The following GSC variants were observed in gnomAD, a reference collection of about 807,000 sequenced individuals.
GSC encodes goosecoid homeobox.
GSC carries 13 observed loss-of-function variants against 24.5 expected under a neutral mutation model. The ratio of observed to expected loss-of-function variants is 0.53; its 90% CI spans 0.35 to 0.84. GSC has a LOEUF of 0.84. Ranked by LOEUF, GSC falls within the 40% of genes least tolerant of loss-of-function variation. The pLI is 0.01. For missense variants in GSC, 382 were observed against 384.2 expected (o/e 0.99, Z 0.05); for synonymous variants, 199 against 182.1 (o/e 1.09, Z -0.75).
In GSC at chr14:94,769,880, C is replaced by T. The variant is rs747295443; in HGVS notation, c.136G>A (p.Ala46Thr). The T allele has an allele frequency of 6.7e-5, 101 of 1,500,108 alleles. 3 individuals carry two copies. In the South Asian group the frequency reaches 1.2e-3, roughly 18 times the overall value. The allele number at this position is 1,500,108 out of a possible 1,614,324, so 92.9% of individuals were successfully genotyped here. ...TAGTCCGAGGAGGCGCCGCCGCTGG[C>T]GCCGTAGAGCGAGTCCCCGTGCAGG... ...PALHGDSLYG[A>T]SGGASSDYGA... The change falls in exon 1 of 3, where the codon GCC becomes ACC. Residue 46 changes from alanine (A) to threonine (T), a missense_variant. By Grantham distance (58) the Ala-to-Thr change is moderately conservative (BLOSUM62 0). Transcript: ENST00000238558.
Position 94,770,108 on chromosome 14 carries a change from C to T in GSC, c.-93G>A. The stretch of plus-strand genomic sequence containing the variant: ...GGTCCACTCTCCTCCAGCCGCCGAC[C>T]AAACCGAAAGAGAGCGCCGGCGAGC... On this transcript the variant is annotated 5_prime_UTR_variant, in exon 1 of 3. Transcript: ENST00000238558. 7.9e-7 allele frequency: 1 copy of T among 1,272,656 alleles called. No homozygotes were observed. The highest frequency in any genetic ancestry group is 1.1e-6 in the Non-Finnish European group (1 of 942,576). 78.8% of individuals were successfully genotyped at this position (1,272,656 alleles called of 1,614,324 possible).
chr14:94,768,673 C>T (rs1246703980), intron 2 of GSC, 24 bp from the exon 3 acceptor site: 3 of 1,611,530 alleles, frequency 1.9e-6, no homozygotes, highest in African/African-American at 1.3e-5. Context: ...GAGGACAAAA[C>T]AGTTCAGATC....
rs1595156674 is a variant in GSC, at chr14:94,768,286, T to A, written c.*205A>T. On this transcript the variant is annotated 3_prime_UTR_variant, in exon 3 of 3. Coordinates refer to ENST00000238558, the MANE Select transcript of GSC (RefSeq NM_173849.3). Reference sequence around the variant, plus strand: ...TAACTATAAATACTACGGTGGGGGCTAGTCGCGGGCGGCCTCGGGCTGCTG... The same window carrying A: ...TAACTATAAATACTACGGTGGGGGCAAGTCGCGGGCGGCCTCGGGCTGCTG... The A allele has an allele frequency of 1.4e-4, 88 of 634,268 alleles. 2 individuals are homozygous for A. In the South Asian group the frequency reaches 1.5e-3, roughly 11 times the overall value. The allele number at this position is 634,268 out of a possible 1,614,324, so 39.3% of individuals were successfully genotyped here.
At chr14:94,769,340 T>G (rs1885236461) in intron 1 of GSC, 123 bp from the exon 2 acceptor site, 1 of 1,310,760 alleles carries the variant, frequency 7.6e-7, no homozygotes, top group Non-Finnish European at 1.0e-6. Flanking sequence ...GAATTGGGGG[T>G]GCACGGGAAT....
chr14:94,768,780 C>A, intron 2 of GSC, 131 bp from the exon 3 acceptor site: 2 of 1,412,716 alleles, frequency 1.4e-6, no homozygotes, highest in East Asian at 2.4e-5. Context: ...GCCGCTCGCT[C>A]CCGCTTCCGC....
chr14:94,768,850 G>T (rs1595157191), intron 2 of GSC, 108 bp downstream of exon 2: 10 of 1,463,814 alleles, frequency 6.8e-6, no homozygotes, highest in Admixed American at 2.0e-5. Flanking sequence ...CCGCCATCGG[G>T]ATGTTTTTAA....
rs368086868 is a variant in GSC, at chr14:94,768,551, C to T, written c.714G>A (p.Ser238=). The change falls in exon 3 of 3, where the codon TCG becomes TCA. Residue 238 remains serine (S), a synonymous_variant. Coordinates refer to ENST00000238558, the MANE Select transcript of GSC (RefSeq NM_173849.3). ...NAEKWNKTSS[S]KASPEKREEE... ...CTTCCCTCTTCTCCGGTGACGCCTT[C>T]GACGACGACGTCTTGTTCCACTTCT... 2 of 1,613,436 alleles carry T rather than the reference C, an allele frequency of 1.2e-6. No homozygotes were observed. Among genetic ancestry groups the T allele is most frequent in the Middle Eastern group, 1.6e-4 (1 of 6,084 alleles).
Position 94,770,022 on chromosome 14 carries a change from G to T in GSC, c.-7C>A. On this transcript the variant is annotated 5_prime_UTR_variant, in exon 1 of 3. Transcript: ENST00000238558. The stretch of plus-strand genomic sequence containing the variant: ...TGAACATGCTGGCGGGCATCCCCGA[G>T]CCCCGCGTCGGGACCGGGGGGCGGC... 6.5e-7 allele frequency: 1 copy of T among 1,547,246 alleles called. No homozygotes were observed.
In GSC at chr14:94,769,908, C is replaced by A. The variant is rs191352872; in HGVS notation, c.108G>T (p.Pro36=). ...AHSAAAPVVF[P]ALHGDSLYGA... ...CGTAGAGCGAGTCCCCGTGCAGGGCCGGGAAGACGACGGGAGCCGCCGCGC... is the reference window on the plus strand; with the variant it reads ...CGTAGAGCGAGTCCCCGTGCAGGGCAGGGAAGACGACGGGAGCCGCCGCGC... The change falls in exon 1 of 3, where the codon CCG becomes CCT. Residue 36 remains proline, a synonymous_variant. Coordinates refer to ENST00000238558, the MANE Select transcript of GSC (RefSeq NM_173849.3). 10 of 1,530,376 alleles carry A rather than the reference C, an allele frequency of 6.5e-6. No homozygotes were observed. In the African/African-American group the frequency reaches 7.0e-5, roughly 11 times the overall value. The allele number at this position is 1,530,376 out of a possible 1,614,324, so 94.8% of individuals were successfully genotyped here. A position where few individuals can be genotyped will look rare whatever the true frequency, so the allele number is the denominator to read the frequency against.
rs1373650524 is a variant in GSC, at chr14:94,768,292, CG to C, written c.*198del. Reference sequence around the variant, plus strand: ...TAAATACTACGGTGGGGGCTAGTCGCGGGCGGCCTCGGGCTGCTGGGCTGTG... The same window carrying C: ...TAAATACTACGGTGGGGGCTAGTCGCGGCGGCCTCGGGCTGCTGGGCTGTG... On this transcript the variant is annotated 3_prime_UTR_variant, in exon 3 of 3. Transcript: ENST00000238558. 7.8e-6 allele frequency: 5 copies of C among 642,966 alleles called. No individual in the cohort carries two copies. Among genetic ancestry groups the C allele is most frequent in the African/African-American group, 1.8e-5 (1 of 54,916 alleles). 39.8% of individuals were successfully genotyped at this position (642,966 alleles called of 1,614,324 possible).
Position 94,769,307 on chromosome 14 carries a change from A to C in GSC, c.356-90T>G, listed in dbSNP as rs550019614. Reference sequence around the variant, plus strand: ...AGCCCCCGACCCTCTTCCACTTAGAAGTCGTCTGCAAGGGGATGCTGAGAA... The same window carrying C: ...AGCCCCCGACCCTCTTCCACTTAGACGTCGTCTGCAAGGGGATGCTGAGAA... On this transcript the variant is annotated intron_variant, in intron 1 of 2. Coordinates refer to ENST00000238558, the MANE Select transcript of GSC (RefSeq NM_173849.3). 2.4e-4 allele frequency: 356 copies of C among 1,478,236 alleles called. 1 individual carries two copies. Among genetic ancestry groups the C allele is most frequent in the Admixed American group, 1.6e-3 (75 of 47,948 alleles). The allele number at this position is 1,478,236 out of a possible 1,614,324, so 91.6% of individuals were successfully genotyped here. A position where few individuals can be genotyped will look rare whatever the true frequency, so the allele number is the denominator to read the frequency against.
chr14:94,768,866 G>A (rs1220140744), intron 2 of GSC, 92 bp downstream of exon 2: 4 of 1,499,512 alleles, frequency 2.7e-6, no homozygotes, highest in East Asian at 2.5e-5. Context: ...TTTAAAGTGC[G>A]GGGAGAGCCA....
In GSC at chr14:94,769,358, G is replaced by T. The variant is rs1218376529; in HGVS notation, c.356-141C>A. The T allele has an allele frequency of 3.5e-6, 4 of 1,153,534 alleles. No homozygotes were observed. In the East Asian group the frequency reaches 1.0e-4, roughly 30 times the overall value. The allele number at this position is 1,153,534 out of a possible 1,614,324, so 71.5% of individuals were successfully genotyped here. A position where few individuals can be genotyped will look rare whatever the true frequency, so the allele number is the denominator to read the frequency against. ...TTGGGGGTGCACGGGAATCAGGGGT[G>T]CAGGGAAAAGGAGGAGGCGTGTTAG... On this transcript the variant is annotated intron_variant, in intron 1 of 2. Transcript: ENST00000238558.
In GSC at chr14:94,770,041, G is replaced by T; in HGVS notation, c.-26C>A. On this transcript the variant is annotated 5_prime_UTR_variant, in exon 1 of 3. Coordinates refer to ENST00000238558, the MANE Select transcript of GSC (RefSeq NM_173849.3). ...CCCCGAGCCCCGCGTCGGGACCGGG[G>T]GGCGGCGGGAACGCGCCGAGGACAG... The T allele has an allele frequency of 6.5e-7, 1 of 1,535,492 alleles. No individual in the cohort carries two copies. The highest frequency in any genetic ancestry group is 1.2e-5 in the South Asian group (1 of 84,074).
rs770212990 is a variant in GSC at position 94,769,078 on chromosome 14, G to A, written c.495C>T (p.Thr165=). The A allele has an allele frequency of 3.8e-6, 6 of 1,593,590 alleles. No homozygotes were observed. In the African/African-American group the frequency reaches 5.3e-5, roughly 14 times the overall value. The change falls in exon 2 of 3, where the codon ACC becomes ACT. Residue 165 remains threonine (T), a synonymous_variant. Transcript: ENST00000238558. ...LHCRRKRRHR[T]IFTDEQLEAL... Reference sequence around the variant, plus strand: ...CTTCGAGCTGCTCGTCAGTGAAGATGGTGCGGTGCCGCCGCTTCCGCCGAC... The same window carrying A: ...CTTCGAGCTGCTCGTCAGTGAAGATAGTGCGGTGCCGCCGCTTCCGCCGAC...
Position 94,769,684 on chromosome 14 carries a change from C to T in GSC, c.332G>A (p.Cys111Tyr). The T allele has an allele frequency of 3.5e-6, 5 of 1,446,050 alleles. No homozygotes were observed. The highest frequency in any genetic ancestry group is 4.5e-6 in the Non-Finnish European group (5 of 1,109,244). The allele number at this position is 1,446,050 out of a possible 1,614,324, so 89.6% of individuals were successfully genotyped here. A position where few individuals can be genotyped will look rare whatever the true frequency, so the allele number is the denominator to read the frequency against. Residue 111 changes from cysteine to tyrosine, a missense_variant, in exon 1 of 3, where the codon TGC becomes TAC. Cys to Tyr is a radical substitution (Grantham distance 194). Coordinates refer to ENST00000238558, the MANE Select transcript of GSC (RefSeq NM_173849.3). ...GAVPPLGAQQ[C>Y]SCVPTPPGYE... ...ACCTGGGGGCGTCGGGACGCAGGAG[C>T]ACTGCTGGGCGCCCAGCGGCGGCAC...
chr14:94,768,692 G>A, intron 2 of GSC, 43 bp from the exon 3 acceptor site: 1 of 1,607,274 alleles, frequency 6.2e-7, no homozygotes, highest in Non-Finnish European at 8.5e-7. Flanking sequence ...TCAAAGGCGC[G>A]CTTCCCCCAG....
chr14:94,768,742 C>G, intron 2 of GSC, 93 bp from the exon 3 acceptor site: 1 of 1,538,392 alleles, frequency 6.5e-7, no homozygotes, highest in Non-Finnish European at 8.9e-7. Context: ...CGGCGGGACA[C>G]CCCGCGCAGG....
At chr14:94,768,752 G>A in intron 2 of GSC, 103 bp from the exon 3 acceptor site, 1 of 1,504,036 alleles carries the variant, frequency 6.6e-7, no homozygotes. Context: ...CCCCGCGCAG[G>A]CCAACAAAAG....
Sources: allele counts gnomAD v4.1 joint callset, GRCh38; gene constraint gnomAD v4.1.1; transcripts MANE v1.5; gene names NCBI Gene and HGNC (gene_info 2026-07-23, HGNC 2026-07-21).